Variants in NCAM2 observed in about 807,000 individuals in gnomAD.
NCAM2 encodes the protein neural cell adhesion molecule 2, also known as N-CAM-2.
Under a neutral mutation model 98.1 loss-of-function variants are expected in NCAM2, and 30 were observed. The ratio of observed to expected loss-of-function variants is 0.31; its 90% confidence interval spans 0.23 to 0.41. The LOEUF (loss-of-function observed/expected upper bound fraction) is 0.41, where lower values mean the gene tolerates loss of function less well. Among genes scored for constraint, NCAM2 ranks in the 10% least tolerant of loss-of-function variants. The pLI, the probability that NCAM2 is intolerant of heterozygous loss-of-function variation, is 1.00. For synonymous variants in NCAM2, 368 were observed against 342.4 expected, an observed-to-expected ratio of 1.07 and a Z score of -0.83; for missense variants, 867 against 1,005.8, an observed-to-expected ratio of 0.86 and a Z score of 1.87.
At chr21:21,308,678 A>T (rs1601932772) in intron 5 of NCAM2, among the ~76,000 whole-genome samples, 1 of 152,268 alleles carries the variant, frequency 6.6e-6, no homozygotes, top group Middle Eastern at 3.4e-3. Flanking sequence ...GAAAAGTTTT[A>T]GTCATTAGAT....
intron 8 of NCAM2, among the ~76,000 whole-genome samples, chr21:21,366,910 A>T (rs1354734216): frequency 6.6e-6 from 1 of 152,062 alleles, no homozygotes; most frequent in Non-Finnish European, 1.5e-5. Context: ...ATTTTAAAAT[A>T]GTTGATCCAT....
chr21:21,249,129 C>A (rs2071390888), intron 1 of NCAM2, among the ~76,000 whole-genome samples: 1 of 151,990 alleles, frequency 6.6e-6, no homozygotes, highest in African/African-American at 2.4e-5. Context: ...CTAATGTTAC[C>A]TAGAATCTAA....
intron 1 of NCAM2, among the ~76,000 whole-genome samples, chr21:21,174,700 A>C (rs1177137338): frequency 1.3e-5 from 2 of 152,184 alleles, no homozygotes; most frequent in Non-Finnish European, 2.9e-5. Context: ...TACTGCCTTT[A>C]GGGAGAAAAC....
intron 1 of NCAM2, among the ~76,000 whole-genome samples, chr21:21,025,150 A>G (rs1387948581): frequency 5.9e-5 from 9 of 151,778 alleles, no homozygotes; most frequent in Non-Finnish European, 1.3e-4. Context: ...CAGTGGTGCA[A>G]TCTCGGCTCA....
At chr21:21,501,479 C>T (rs1222291296) in intron 15 of NCAM2, among the ~76,000 whole-genome samples, 1 of 151,836 alleles carries the variant, frequency 6.6e-6, no homozygotes, top group East Asian at 1.9e-4. Context: ...TAAATATGGA[C>T]TTGAAGTATA....
At chr21:21,499,861 C>A (rs1359370453) in intron 15 of NCAM2, among the ~76,000 whole-genome samples, 7 of 151,918 alleles carry the variant, frequency 4.6e-5, no homozygotes, top group Admixed American at 4.6e-4. Flanking sequence ...TAGATATTTC[C>A]AATTGTATTA....
In NCAM2 at chr21:21,048,657, A is replaced by G. The variant is rs139988675; in HGVS notation, c.55+50039A>G. Among the ~76,000 whole-genome samples, 742 of 152,180 alleles carry G rather than the reference A, an allele frequency of 4.9e-3. 10 individuals are homozygous for G. Among genetic ancestry groups the G allele is most frequent in the African/African-American group, 0.018 (731 of 41,540 alleles). On this transcript the variant is annotated intron_variant, in intron 1 of 17. Coordinates refer to ENST00000400546, the MANE Select transcript of NCAM2 (RefSeq NM_004540.5). ...CGTGAGCTACCACCTGGCCTGATGT[A>G]TTCCTTGAATGTATTTGATTAATGT...
chr21:21,395,129 C>T (rs965097914), intron 9 of NCAM2, among the ~76,000 whole-genome samples: 6 of 152,116 alleles, frequency 3.9e-5, no homozygotes, highest in South Asian at 4.2e-4. Flanking sequence ...GTCAGGAGTT[C>T]GAGACCAGCC....
chr21:21,134,097 C>T (rs1464629349), intron 1 of NCAM2, among the ~76,000 whole-genome samples: 2 of 142,694 alleles, frequency 1.4e-5, no homozygotes, highest in Non-Finnish European at 3.0e-5. Context: ...GAGATGATGT[C>T]TCGCTCTGTC....
chr21:21,223,487 A>C (rs2070254592), intron 1 of NCAM2: 1 of 152,170 alleles, frequency 6.6e-6, no homozygotes, highest in South Asian at 2.1e-4. Flanking sequence ...ATGGTGAATA[A>C]ATTGCAAGGA....
intron 1 of NCAM2, among the ~76,000 whole-genome samples, chr21:21,091,252 A>G (rs1235218727): frequency 6.6e-6 from 1 of 152,158 alleles, no homozygotes; most frequent in Non-Finnish European, 1.5e-5. Context: ...TTATGTAATT[A>G]TATAGTTCTG....
intron 8 of NCAM2, among the ~76,000 whole-genome samples, chr21:21,358,177 A>G (rs1037378527): frequency 1.3e-5 from 2 of 152,134 alleles, no homozygotes; most frequent in Admixed American, 6.5e-5. Context: ...CAAATAATCT[A>G]TATTTCCCTG....
chr21:21,262,583 G>T (rs2071947961), intron 1 of NCAM2, among the ~76,000 whole-genome samples: 1 of 144,314 alleles, frequency 6.9e-6, no homozygotes, highest in Admixed American at 7.4e-5. Flanking sequence ...CTTAAGAACT[G>T]GTTCAGAAAC....
chr21:21,185,976 G>A (rs2146938562), intron 1 of NCAM2, among the ~76,000 whole-genome samples: 1 of 152,320 alleles, frequency 6.6e-6, no homozygotes, highest in Non-Finnish European at 1.5e-5. Context: ...GCAGATTGCA[G>A]TGGTAATAAC....
intron 1 of NCAM2, among the ~76,000 whole-genome samples, chr21:21,112,479 A>G (rs1173649919): frequency 6.6e-6 from 1 of 152,174 alleles, no homozygotes; most frequent in Non-Finnish European, 1.5e-5. Flanking sequence ...TATTTGAAAT[A>G]AAGTTGAACC....
At chr21:21,180,154 C>G (rs1001624879) in intron 1 of NCAM2, among the ~76,000 whole-genome samples, 1 of 152,126 alleles carries the variant, frequency 6.6e-6, no homozygotes, top group Non-Finnish European at 1.5e-5. Flanking sequence ...AAAGGACGTT[C>G]CAATGGGTGC....
intron 15 of NCAM2, among the ~76,000 whole-genome samples, chr21:21,499,012 C>T (rs1227570138): frequency 6.6e-6 from 1 of 152,026 alleles, no homozygotes; most frequent in Non-Finnish European, 1.5e-5. Flanking sequence ...TCCATCTTCA[C>T]ATGAGTTTTA....
intron 12 of NCAM2, among the ~76,000 whole-genome samples, chr21:21,436,940 AT>A (rs1471024075): frequency 6.8e-6 from 1 of 146,296 alleles, no homozygotes; most frequent in East Asian, 2.0e-4. Context: ...TTTTTTTTTT[AT>A]TTTTGTATTT....
chr21:21,378,290 A>G (rs559263852), intron 9 of NCAM2, among the ~76,000 whole-genome samples: 90 of 152,008 alleles, frequency 5.9e-4, no homozygotes, highest in Non-Finnish European at 1.1e-3. Flanking sequence ...GGCCATGCCA[A>G]TTTACATTCC....
Sources: allele counts gnomAD v4.1 joint callset (sites outside exome capture counted in the v4.1 genomes callset), GRCh38; gene constraint gnomAD v4.1.1; transcripts MANE v1.5; gene names NCBI Gene and HGNC (gene_info 2026-07-23, HGNC 2026-07-21).